Variants in PABPC1 observed in about 807,000 individuals in gnomAD.
The protein encoded by PABPC1 is polyadenylate-binding protein 1.
A neutral mutation model predicts 74.0 loss-of-function variants in PABPC1; 4 were observed. The observed-to-expected ratio is 0.05, with a 90% CI of 0.03 to 0.12. The LOEUF (loss-of-function observed/expected upper bound fraction) is 0.12. Ranked by LOEUF, PABPC1 falls within the 10% of genes least tolerant of loss-of-function variation. The pLI, the probability that PABPC1 is intolerant of heterozygous loss-of-function variation, is 1.00. For missense variants in PABPC1, 271 were observed against 821.1 expected, an observed-to-expected ratio of 0.33 and a Z score of 8.19; for synonymous variants, 227 against 264.1, an observed-to-expected ratio of 0.86 and a Z score of 1.36.
chr8:100,705,758 T>A, intron 11 of PABPC1, 85 bp from the exon 12 acceptor site: 1 of 861,874 alleles, frequency 1.2e-6, no homozygotes, highest in Non-Finnish European at 1.9e-6. Flanking sequence ...TCTGCTGAAG[T>A]GGTAGACTTC....
chr8:100,717,976 C>G (rs1292239705), intron 2 of PABPC1, 88 bp from the exon 3 acceptor site: 1 of 1,334,764 alleles, frequency 7.5e-7, no homozygotes. Flanking sequence ...AGCCATCTAA[C>G]CTGGATATTT....
At chr8:100,720,142 C>G (rs1810777589) in intron 1 of PABPC1, among the ~76,000 whole-genome samples, 1 of 152,064 alleles carries the variant, frequency 6.6e-6, no homozygotes, top group Non-Finnish European at 1.5e-5. Flanking sequence ...GACATGTATT[C>G]AAGTGGCCAG....
chr8:100,706,485 G>A (rs879111178), intron 11 of PABPC1, among the ~76,000 whole-genome samples, 166 bp downstream of exon 11: 1 of 151,308 alleles, frequency 6.6e-6, no homozygotes, highest in African/African-American at 2.4e-5. Flanking sequence ...ACAGGGTCCT[G>A]TATGTTGCCC....
rs146219530 is a variant in PABPC1 at position 100,721,584 on chromosome 8, C to T, written c.-1G>A. 163 of 1,568,548 alleles carry T rather than the reference C, an allele frequency of 1.0e-4. No homozygotes were observed. Among genetic ancestry groups the T allele is most frequent in the Middle Eastern group, 9.5e-4 (5 of 5,272 alleles). ...GGTAGCTGGGGGCACTGGGGTTCAT[C>T]TCGGCACGGCTGCCCGCAGGGCCAC... is the stretch of plus-strand genomic sequence containing the variant. On this transcript the variant is annotated 5_prime_UTR_variant, in exon 1 of 15. Coordinates refer to ENST00000318607, the MANE Select transcript of PABPC1 (RefSeq NM_002568.4). The surrounding 1 kb of genome is among the most constrained non-coding windows in gnomAD (Gnocchi z 7.4).
Position 100,721,662 on chromosome 8 carries a change from G to A in PABPC1, c.-79C>T. 3.3e-6 allele frequency: 4 copies of A among 1,195,346 alleles called. No individual in the cohort carries two copies. Among genetic ancestry groups the A allele is most frequent in the South Asian group, 2.0e-5 (1 of 50,230 alleles). The allele number at this position is 1,195,346 out of a possible 1,614,324, so 74.0% of individuals were successfully genotyped here. The stretch of plus-strand genomic sequence containing the variant: ...AGAGCGAGTGCCGGGGCTGGGGGCC[G>A]GAGCCGGGGGGAGGGGAGCGGGGAG... On this transcript the variant is annotated 5_prime_UTR_variant, in exon 1 of 15. Transcript: ENST00000318607. This position sits in a 1 kb window ranked among gnomAD's most constrained non-coding sequence, Gnocchi z 7.4.
At position 100,706,750 on chromosome 8, in the gene PABPC1, A is replaced by T. The variant is rs1364587820; in HGVS notation, c.1503T>A (p.Ala501=). 2 of 1,614,042 alleles carry T rather than the reference A, an allele frequency of 1.2e-6. No individual in the cohort carries two copies. ...GTGGAACGGTGCGGACAGCAGGAGT[A>T]GCTGCAGCGGCTGCAGCTGCAGGAC... ...GPRPAAAAAA[A]TPAVRTVPQY... Residue 501 remains alanine (A), a synonymous_variant, in exon 11 of 15, where the codon GCT becomes GCA. Coordinates refer to ENST00000318607, the MANE Select transcript of PABPC1 (RefSeq NM_002568.4).
At chr8:100,714,548 C>G (rs1587161008) in intron 4 of PABPC1, among the ~76,000 whole-genome samples, 1 of 152,052 alleles carries the variant, frequency 6.6e-6, no homozygotes, top group East Asian at 1.9e-4. Flanking sequence ...CTGGCCATCA[C>G]GGTGAAACCC....
intron 3 of PABPC1, 56 bp downstream of exon 3, chr8:100,717,717 T>C: frequency 1.9e-6 from 2 of 1,047,030 alleles, no homozygotes; most frequent in East Asian, 5.1e-5. Context: ...ATGAATGGAT[T>C]TGGAATTATT....
chr8:100,712,015 AACTGGG>A (rs1373508841), intron 7 of PABPC1, among the ~76,000 whole-genome samples: 1 of 152,236 alleles, frequency 6.6e-6, no homozygotes, highest in African/African-American at 2.4e-5. Context: ...CAGGGGAGGG[AACTGGG>A]GCTTGACTAC....
chr8:100,712,994 C>T, intron 5 of PABPC1, 93 bp downstream of exon 5: 1 of 1,048,638 alleles, frequency 9.5e-7, no homozygotes, highest in South Asian at 1.6e-5. Context: ...AATATAAGAA[C>T]ATGTCAAATA....
At position 100,704,361 on chromosome 8, in the gene PABPC1, G is replaced by T; in HGVS notation, c.1848C>A (p.Ala616=). ...TCTGGGCAGCCTCTTTAGCTTGGTG[G>T]GCTTGTAGTACAGCTACAGCTTCAT... is the stretch of plus-strand genomic sequence containing the variant. ...KVDEAVAVLQ[A]HQAKEAAQKA... The change falls in exon 14 of 15, where the codon GCC becomes GCA. Residue 616 remains alanine (A), a synonymous_variant. Coordinates refer to ENST00000318607, the MANE Select transcript of PABPC1 (RefSeq NM_002568.4). 1.2e-6 allele frequency: 2 copies of T among 1,613,974 alleles called. No homozygotes were observed. The highest frequency in any genetic ancestry group is 1.7e-6 in the Non-Finnish European group (2 of 1,179,940).
At chr8:100,708,420 C>T (rs1445891940) in intron 9 of PABPC1, among the ~76,000 whole-genome samples, 1 of 152,086 alleles carries the variant, frequency 6.6e-6, no homozygotes, top group Non-Finnish European at 1.5e-5. Flanking sequence ...CATGCCACTG[C>T]ACTCCAGACT....
chr8:100,721,196 G>A lies in PABPC1; in HGVS notation c.193+195C>T, dbSNP rs373917850. On this transcript the variant is annotated intron_variant, in intron 1 of 14. Coordinates refer to ENST00000318607, the MANE Select transcript of PABPC1 (RefSeq NM_002568.4). This position sits in a 1 kb window ranked among gnomAD's most constrained non-coding sequence, Gnocchi z 7.4. ...CAAAGGAGGAAGTAGCCGGGCGTGT[G>A]GCTGCCGGCAGCGCGGGTCCCCGCC... Among the ~76,000 whole-genome samples, 42 of 152,088 alleles carry A rather than the reference G, an allele frequency of 2.8e-4. No homozygotes were observed. The East Asian group carries it at 4.1e-3, about 15-fold the overall frequency.
intron 7 of PABPC1, among the ~76,000 whole-genome samples, chr8:100,711,884 A>T (rs879826145): frequency 6.6e-6 from 1 of 152,392 alleles, no homozygotes; most frequent in South Asian, 2.1e-4. Context: ...AGACAAAAAC[A>T]TCTAGAAGAG....
intron 9 of PABPC1, among the ~76,000 whole-genome samples, chr8:100,708,911 T>C (rs1174070998): frequency 7.3e-6 from 1 of 137,196 alleles, no homozygotes; most frequent in Non-Finnish European, 1.6e-5. Context: ...AAATAAAAAA[T>C]GAAGAGCTGT....
intron 1 of PABPC1, among the ~76,000 whole-genome samples, chr8:100,719,813 G>A (rs1177485043): frequency 6.6e-6 from 1 of 152,136 alleles, no homozygotes; most frequent in African/African-American, 2.4e-5. Flanking sequence ...CCAACTCTTA[G>A]GTTGTGATAA....
At position 100,706,946 on chromosome 8, in the gene PABPC1, A is replaced by C; in HGVS notation, c.1388T>G (p.Phe463Cys). 1 of 1,614,150 alleles carries C rather than the reference A, an allele frequency of 6.2e-7. No individual in the cohort carries two copies. Among genetic ancestry groups the C allele is most frequent in the Non-Finnish European group, 8.5e-7 (1 of 1,179,994 alleles). The change falls in exon 10 of 15, where the codon TTT becomes TGT. Residue 463 changes from phenylalanine to cysteine, a missense_variant. Physicochemically the swap from Phe to Cys is radical, Grantham distance 205 (BLOSUM62 -2). This residue lies in a region of PABPC1 where 103 missense variants were observed against 245.3 expected (regional missense o/e 0.42). Transcript: ENST00000318607. ...TGAAGAAGCTGGTCTCATAGTACTA[A>C]ATGGTGGTCTAGGAGCAGCTGGGCG... ...AIRPAAPRPP[F>C]STMRPASSQV...
intron 8 of PABPC1, 111 bp from the exon 9 acceptor site, chr8:100,709,334 T>G (rs1033375087): frequency 5.3e-5 from 77 of 1,464,702 alleles, no homozygotes; most frequent in Non-Finnish European, 7.2e-5. Context: ...CTCAAGCATT[T>G]TTTCCTACTC....
At chr8:100,716,839 C>G (rs940840700) in intron 3 of PABPC1, among the ~76,000 whole-genome samples, 1 of 152,250 alleles carries the variant, frequency 6.6e-6, no homozygotes, top group Non-Finnish European at 1.5e-5. Context: ...TGCAGTAAAG[C>G]TGAAACTTTA....
Sources: gnomAD v4.1 joint callset for allele counts (sites outside exome capture counted in the v4.1 genomes callset) on GRCh38, gnomAD v4.1.1 for gene constraint, gnomAD v4.1.1 regional missense constraint, Gnocchi (gnomAD v3.1) non-coding constraint, MANE v1.5 for transcripts, NCBI Gene and HGNC (gene_info 2026-07-23, HGNC 2026-07-21) for gene names.